Variants in SEC14L1 observed in about 807,000 individuals in gnomAD.
SEC14L1 encodes the protein SEC14-like protein 1.
A neutral mutation model predicts 85.3 loss-of-function variants in SEC14L1; 48 were observed. The ratio of observed to expected loss-of-function variants is 0.56; its 90% CI spans 0.45 to 0.72. The LOEUF (loss-of-function observed/expected upper bound fraction) is 0.72. Among genes scored for constraint, SEC14L1 ranks in the 30% least tolerant of loss-of-function variants. SEC14L1 has a pLI of 0.00. For missense variants in SEC14L1, 682 were observed against 921.4 expected (o/e 0.74, Z 3.36); for synonymous variants, 391 against 355.5 (o/e 1.10, Z -1.12).
At chr17:77,187,499 T>C (rs1975323243) in intron 3 of SEC14L1, among the ~76,000 whole-genome samples, 1 of 152,030 alleles carries the variant, frequency 6.6e-6, no homozygotes, top group South Asian at 2.1e-4. Context: ...CACCTCAGCC[T>C]CCCAAGTAGC....
chr17:77,171,055 G>C (rs1168412062), intron 3 of SEC14L1, among the ~76,000 whole-genome samples: 1 of 152,154 alleles, frequency 6.6e-6, no homozygotes, highest in African/African-American at 2.4e-5. Flanking sequence ...GAATTTTTTG[G>C]AATGGCGTTA....
At chr17:77,171,876 A>T (rs1215450555) in intron 3 of SEC14L1, among the ~76,000 whole-genome samples, 10 of 152,028 alleles carry the variant, frequency 6.6e-5, no homozygotes, top group Admixed American at 6.6e-4. Flanking sequence ...ATCTGGATGG[A>T]TGTATCCTTT....
intron 3 of SEC14L1, chr17:77,185,333 G>C: frequency 8.1e-6 from 8 of 985,456 alleles, no homozygotes; most frequent in Non-Finnish European, 8.4e-6. Flanking sequence ...TTCTGAGTTA[G>C]CTGCTCCTTA....
rs1976995942 is a variant in SEC14L1, at chr17:77,215,566, C to A, written c.*1543C>A. The A allele has an allele frequency of 1.0e-6, 1 of 986,612 alleles. No individual in the cohort carries two copies. The allele number at this position is 986,612 out of a possible 1,614,324, so 61.1% of individuals were successfully genotyped here. ...GGGGAGGGACCGAGCAGCCCTCTTG[C>A]CCGGTCGGGTCAGCCCTAGTGGCTG... On this transcript the variant is annotated 3_prime_UTR_variant, in exon 17 of 17. Coordinates refer to ENST00000436233, the MANE Select transcript of SEC14L1 (RefSeq NM_001143998.2).
In SEC14L1 at chr17:77,149,094, T is replaced by TCC. The variant is rs1322259968; in HGVS notation, c.63+5438_63+5439dup. Reference sequence around the variant, plus strand: ...CTTACCCATCTTGTCCTTCCACACGTCCCCGATGCCTCTGAAGATGCCATT... The same window carrying TCC: ...CTTACCCATCTTGTCCTTCCACACGTCCCCCCGATGCCTCTGAAGATGCCATT... On this transcript the variant is annotated intron_variant, in intron 3 of 16. Coordinates refer to ENST00000436233, the MANE Select transcript of SEC14L1 (RefSeq NM_001143998.2). 1.3e-5 allele frequency among the ~76,000 whole-genome samples: 2 copies of TCC among 152,164 alleles called. 1 individual carries two copies. The highest frequency in any genetic ancestry group is 2.9e-5 in the Non-Finnish European group (2 of 68,024).
At chr17:77,143,425 CT>C (rs1973144601) in intron 2 of SEC14L1, 141 bp from the exon 3 acceptor site, 1 of 551,126 alleles carries the variant, frequency 1.8e-6, no homozygotes, top group Non-Finnish European at 3.2e-6. Context: ...TAAATATCAT[CT>C]TTTCATTTTT....
At chr17:77,210,153 T>A (rs1190583367) in intron 14 of SEC14L1, 1 of 152,394 alleles carries the variant, frequency 6.6e-6, no homozygotes, top group African/African-American at 2.4e-5. Flanking sequence ...CGTTTGCTAC[T>A]TTTTCTTGGC....
intron 3 of SEC14L1, among the ~76,000 whole-genome samples, chr17:77,158,921 C>T (rs1440863586): frequency 4.2e-5 from 6 of 143,130 alleles, no homozygotes; most frequent in South Asian, 2.2e-4. Flanking sequence ...AAGCAATTCT[C>T]GTGCCTCCCA....
At chr17:77,124,833 G>A (rs1012649536) in intron 3 of SEC14L1, among the ~76,000 whole-genome samples, 6 of 152,050 alleles carry the variant, frequency 3.9e-5, no homozygotes, top group African/African-American at 7.2e-5. Flanking sequence ...TCGTACAGTC[G>A]CTTAACTGTT....
chr17:77,214,986 C>T lies in SEC14L1; in HGVS notation c.*963C>T, dbSNP rs988945765. On this transcript the variant is annotated 3_prime_UTR_variant, in exon 17 of 17. Coordinates refer to ENST00000436233, the MANE Select transcript of SEC14L1 (RefSeq NM_001143998.2). ...GGTTTTATTAGTAGCTAAGCAGCAG[C>T]TCTCGCATCCACTTCAGGGTGGCGT... The T allele has an allele frequency of 1.0e-6, 1 of 985,468 alleles. No homozygotes were observed. Among genetic ancestry groups the T allele is most frequent in the Non-Finnish European group, 1.2e-6 (1 of 829,978 alleles). 61.0% of individuals were successfully genotyped at this position (985,468 alleles called of 1,614,324 possible).
rs185170210 is a variant in SEC14L1 at position 77,148,047 on chromosome 17, G to A, written c.63+4388G>A. Among the ~76,000 whole-genome samples the A allele has an allele frequency of 8.3e-4, 126 of 152,250 alleles. 1 individual carries two copies. Among genetic ancestry groups the A allele is most frequent in the African/African-American group, 3.0e-3 (123 of 41,556 alleles). The stretch of plus-strand genomic sequence containing the variant: ...AGAATGGGATGTATAATTCTAGGGT[G>A]CTTGAGTTGAAGTGTTTCTTTTTGA... On this transcript the variant is annotated intron_variant, in intron 3 of 16. Coordinates refer to ENST00000436233, the MANE Select transcript of SEC14L1 (RefSeq NM_001143998.2).
chr17:77,167,705 A>G (rs1216144998), intron 3 of SEC14L1, among the ~76,000 whole-genome samples: 2 of 152,260 alleles, frequency 1.3e-5, no homozygotes, highest in Middle Eastern at 3.4e-3. Context: ...ACCAGGAGGA[A>G]GTAGACACAC....
chr17:77,135,561 G>A (rs983220072), intron 3 of SEC14L1, among the ~76,000 whole-genome samples: 1 of 151,370 alleles, frequency 6.6e-6, no homozygotes, highest in African/African-American at 2.4e-5. Flanking sequence ...GTGTTGCTCT[G>A]TCTCTCAGGC....
rs1397997120 is a variant in SEC14L1 at position 77,215,126 on chromosome 17, CG to C, written c.*1107del. ...CATGACGGTGGGGGTGCTGGGGGGA[CG>C]GGGTGAGTGGAAACTTAGTTTGAGT... On this transcript the variant is annotated 3_prime_UTR_variant, in exon 17 of 17. Coordinates refer to ENST00000436233, the MANE Select transcript of SEC14L1 (RefSeq NM_001143998.2). 1.0e-6 allele frequency: 1 copy of C among 984,794 alleles called. No individual in the cohort carries two copies. Among genetic ancestry groups the C allele is most frequent in the African/African-American group, 1.8e-5 (1 of 56,964 alleles). 61.0% of individuals were successfully genotyped at this position (984,794 alleles called of 1,614,324 possible). A position where few individuals can be genotyped will look rare whatever the true frequency, so the allele number is the denominator to read the frequency against.
intron 3 of SEC14L1, among the ~76,000 whole-genome samples, chr17:77,168,080 T>C (rs1216972039): frequency 6.6e-6 from 1 of 152,074 alleles, no homozygotes; most frequent in Non-Finnish European, 1.5e-5. Context: ...AATAGGTAAA[T>C]GCGTGATTTG....
At chr17:77,185,389 G>A in intron 3 of SEC14L1, 2 of 985,430 alleles carry the variant, frequency 2.0e-6, no homozygotes, top group Non-Finnish European at 2.4e-6. Flanking sequence ...CCAAGGTAAA[G>A]TGAACGTCTG....
chr17:77,216,536 C>G lies in SEC14L1; in HGVS notation c.*2513C>G. On this transcript the variant is annotated 3_prime_UTR_variant, in exon 17 of 17. Transcript: ENST00000436233. ...TGGTCCCTGCTTTCTCTTTCTCTTT[C>G]TCTGTGTCTCAGATGGCGATTTTGC... The G allele has an allele frequency of 6.2e-7, 1 of 1,613,254 alleles. No homozygotes were observed. The highest frequency in any genetic ancestry group is 8.5e-7 in the Non-Finnish European group (1 of 1,179,420).
chr17:77,142,382 C>G lies in SEC14L1; in HGVS notation c.-135-264C>G, dbSNP rs572338995. Among the ~76,000 whole-genome samples, 5 of 152,030 alleles carry G rather than the reference C, an allele frequency of 3.3e-5. No homozygotes were observed. In the East Asian group the frequency reaches 7.7e-4, roughly 24 times the overall value. On this transcript the variant is annotated intron_variant, in intron 1 of 16. Transcript: ENST00000436233. ...TTGAGCCCAGGAGTTTGAGACCAGCCTGGGCAACATGGGGAAACCTTCTAC... is the reference window on the plus strand; with the variant it reads ...TTGAGCCCAGGAGTTTGAGACCAGCGTGGGCAACATGGGGAAACCTTCTAC...
chr17:77,150,677 C>T (rs1181520339), intron 3 of SEC14L1, among the ~76,000 whole-genome samples: 1 of 152,176 alleles, frequency 6.6e-6, no homozygotes, highest in Non-Finnish European at 1.5e-5. Context: ...TGACGGGCAG[C>T]TGTGCCCATG....
Sources: gnomAD v4.1 joint callset for allele counts (sites outside exome capture counted in the v4.1 genomes callset) on GRCh38, gnomAD v4.1.1 for gene constraint, MANE v1.5 for transcripts, NCBI Gene and HGNC (gene_info 2026-07-23, HGNC 2026-07-21) for gene names.